Variants in AKR1D1 observed in about 807,000 individuals in gnomAD.
AKR1D1 encodes the protein delta(4)-3-ketosteroid 5-beta-reductase.
Under a neutral mutation model 42.6 loss-of-function variants are expected in AKR1D1, and 32 were observed. That is an observed-to-expected ratio of 0.75 (90% CI 0.57 to 1.01). The LOEUF (loss-of-function observed/expected upper bound fraction) is 1.01, where lower values mean the gene tolerates loss of function less well. Among genes scored for constraint, AKR1D1 ranks in the 50% least tolerant of loss-of-function variants. The pLI is 0.00. For synonymous variants in AKR1D1, 123 were observed against 135.5 expected (o/e 0.91, Z 0.64); for missense variants, 364 against 402.2 (o/e 0.91, Z 0.81).
At position 138,105,315 on chromosome 7, in the gene AKR1D1, A is replaced by G; in HGVS notation, c.465A>G (p.Glu155=). ...GGACATTTACTCTACAGGCGATGGA[A>G]GCTTGCAAAGACGCTGGCTTGGTGA... ...SNLCATWEAM[E]ACKDAGLVKS... is the part of the protein sequence containing the mutation. Residue 155 remains glutamate (E), a synonymous_variant, in exon 5 of 9, where the codon GAA becomes GAG. Transcript: ENST00000242375. 6.2e-7 allele frequency: 1 copy of G among 1,614,156 alleles called. No homozygotes were observed. The highest frequency in any genetic ancestry group is 8.5e-7 in the Non-Finnish European group (1 of 1,180,028).
intron 4 of AKR1D1, among the ~76,000 whole-genome samples, chr7:138,099,618 A>G (rs1474806553): frequency 3.3e-5 from 5 of 151,988 alleles, no homozygotes; most frequent in Admixed American, 6.6e-5. Context: ...TTAAAATATG[A>G]AAGAAAAGCT....
intron 2 of AKR1D1, among the ~76,000 whole-genome samples, chr7:138,089,655 CA>C (rs2117430090): frequency 6.6e-6 from 1 of 152,200 alleles, no homozygotes; most frequent in South Asian, 2.1e-4. Flanking sequence ...CCAAAAAGTA[CA>C]GTTGTGAATA....
At chr7:138,082,842 T>G (rs116728027) in intron 1 of AKR1D1, among the ~76,000 whole-genome samples, 3,076 of 152,324 alleles carry the variant, frequency 0.02, 119 homozygotes, top group African/African-American at 0.07. Context: ...AGAATTTCCT[T>G]CTTTTTTGAG....
At chr7:138,081,203 G>A (rs967335339) in intron 1 of AKR1D1, among the ~76,000 whole-genome samples, 2 of 152,176 alleles carry the variant, frequency 1.3e-5, no homozygotes, top group African/African-American at 4.8e-5. Context: ...CTTCATGTAT[G>A]TGGATGTCAC....
chr7:138,094,447 G>A (rs1794145100), intron 3 of AKR1D1, among the ~76,000 whole-genome samples: 1 of 152,150 alleles, frequency 6.6e-6, no homozygotes, highest in African/African-American at 2.4e-5. Context: ...CTGGGGAGGT[G>A]GAGGGTGCAG....
chr7:138,099,733 G>A (rs1390397485), intron 4 of AKR1D1, among the ~76,000 whole-genome samples: 1 of 151,946 alleles, frequency 6.6e-6, no homozygotes, highest in Non-Finnish European at 1.5e-5. Flanking sequence ...TGGGCATAGT[G>A]GCTCATGCCT....
chr7:138,109,051 C>A (rs570556400), intron 7 of AKR1D1, among the ~76,000 whole-genome samples: 1 of 152,066 alleles, frequency 6.6e-6, no homozygotes, highest in East Asian at 1.9e-4. Context: ...TTATAGAATT[C>A]TTTGTAATTT....
chr7:138,113,223 T>A (rs919263194), intron 7 of AKR1D1, among the ~76,000 whole-genome samples: 1 of 151,452 alleles, frequency 6.6e-6, no homozygotes, highest in African/African-American at 2.4e-5. Context: ...AACTGAGGCA[T>A]GAGACTAGCT....
At chr7:138,081,185 A>C (rs1803048054) in intron 1 of AKR1D1, among the ~76,000 whole-genome samples, 2 of 152,150 alleles carry the variant, frequency 1.3e-5, no homozygotes, top group African/African-American at 4.8e-5. Context: ...GTATTTCTGG[A>C]ATGTCTACTT....
At chr7:138,112,109 C>G (rs2073758630) in intron 7 of AKR1D1, among the ~76,000 whole-genome samples, 1 of 151,992 alleles carries the variant, frequency 6.6e-6, no homozygotes, top group African/African-American at 2.4e-5. Flanking sequence ...TCTTTGATTT[C>G]ATAAAATCCT....
rs759924214 is a variant in AKR1D1, at chr7:138,116,692, C to A, written c.*30C>A. The A allele has an allele frequency of 1.2e-6, 2 of 1,609,912 alleles. No homozygotes were observed. Among genetic ancestry groups the A allele is most frequent in the Non-Finnish European group, 1.7e-6 (2 of 1,176,202 alleles). ...AGGGAGTTCCTGAACAGATTTTTCA[C>A]TCCCACGAGTGCCAAGACGGTGCAA... On this transcript the variant is annotated 3_prime_UTR_variant, in exon 9 of 9. Coordinates refer to ENST00000242375, the MANE Select transcript of AKR1D1 (RefSeq NM_005989.4).
intron 5 of AKR1D1, 145 bp downstream of exon 5, chr7:138,105,574 T>C: frequency 8.0e-7 from 1 of 1,249,452 alleles, no homozygotes; most frequent in Non-Finnish European, 1.1e-6. Flanking sequence ...TTTAGACTTC[T>C]TTCTATTGGT....
intron 2 of AKR1D1, among the ~76,000 whole-genome samples, chr7:138,089,751 G>A (rs10229138): frequency 0.065 from 9,873 of 152,186 alleles, 1,069 homozygotes; most frequent in African/African-American, 0.23. Flanking sequence ...GTTTACTTAC[G>A]TAAACAGAAA....
At chr7:138,104,445 A>C (rs113523544) in intron 4 of AKR1D1, among the ~76,000 whole-genome samples, 35,550 of 151,844 alleles carry the variant, frequency 0.23, 5,786 homozygotes, top group African/African-American at 0.47. Context: ...TGCCTATAAT[A>C]CCAGCACTTT....
intron 1 of AKR1D1, among the ~76,000 whole-genome samples, chr7:138,087,940 G>T (rs1220385533): frequency 6.7e-6 from 1 of 150,208 alleles, no homozygotes; most frequent in African/African-American, 2.5e-5. Flanking sequence ...GCCCAGTCTG[G>T]AGTACAGTGG....
chr7:138,085,613 T>G (rs2117421536), intron 1 of AKR1D1, among the ~76,000 whole-genome samples: 1 of 151,918 alleles, frequency 6.6e-6, no homozygotes, highest in East Asian at 1.9e-4. Flanking sequence ...CCTGGCTACA[T>G]TTTGTATTTT....
intron 1 of AKR1D1, among the ~76,000 whole-genome samples, chr7:138,087,894 T>TTTA (rs1351793968): frequency 5.0e-4 from 63 of 126,756 alleles, no homozygotes; most frequent in African/African-American, 2.3e-3. Flanking sequence ...ATTTCTTTTC[T>TTTA]TTTTTTTTTT....
intron 5 of AKR1D1, among the ~76,000 whole-genome samples, chr7:138,105,752 T>A (rs1794411267): frequency 6.6e-6 from 1 of 152,110 alleles, no homozygotes; most frequent in African/African-American, 2.4e-5. Context: ...CTGGGCTTGG[T>A]GGCACATGCC....
At chr7:138,081,255 A>T (rs927412086) in intron 1 of AKR1D1, among the ~76,000 whole-genome samples, 9 of 152,228 alleles carry the variant, frequency 5.9e-5, no homozygotes, top group South Asian at 2.1e-4. Flanking sequence ...GTGTGTTAGC[A>T]CTGTTTCCTG....
Sources: gnomAD v4.1 joint callset for allele counts (sites outside exome capture counted in the v4.1 genomes callset) on GRCh38, gnomAD v4.1.1 for gene constraint, MANE v1.5 for transcripts, NCBI Gene and HGNC (gene_info 2026-07-23, HGNC 2026-07-21) for gene names.